Variants in LRP5 observed in about 807,000 individuals in gnomAD.
LRP5 encodes the protein low-density lipoprotein receptor-related protein 5.
In LRP5, 62 loss-of-function variants were observed where a neutral mutation model predicts 154.1. The ratio of observed to expected loss-of-function variants is 0.40; its 90% CI spans 0.33 to 0.50. The LOEUF is 0.50. Among genes scored for constraint, LRP5 ranks in the 20% least tolerant of loss-of-function variants. LRP5 has a pLI of 0.55. For missense variants in LRP5, 1,915 were observed against 2,336.7 expected (o/e 0.82, Z 3.72); for synonymous variants, 966 against 1,011.5 (o/e 0.96, Z 0.85).
At position 68,389,959 on chromosome 11, in the gene LRP5, G is replaced by A. The variant is rs2098645410; in HGVS notation, c.1491G>A (p.Leu497=). 6.2e-7 allele frequency: 1 copy of A among 1,614,228 alleles called. No individual in the cohort carries two copies. The highest frequency in any genetic ancestry group is 8.5e-7 in the Non-Finnish European group (1 of 1,180,030). ...ANLDGQERRV[L]VNASLGWPNG... is the part of the protein sequence containing the mutation. ...TGGATGGGCAGGAGCGGCGTGTGCT[G>A]GTCAATGCCTCCCTCGGGTGGCCCA... Residue 497 remains leucine (L), a synonymous_variant, in exon 7 of 23, where the codon CTG becomes CTA. Coordinates refer to ENST00000294304, the MANE Select transcript of LRP5 (RefSeq NM_002335.4).
chr11:68,389,824 G>A, intron 6 of LRP5, 57 bp from the exon 7 acceptor site: 5 of 1,595,846 alleles, frequency 3.1e-6, no homozygotes, highest in Non-Finnish European at 2.6e-6. Flanking sequence ...TTGGCACTGG[G>A]GATGCTGCAG....
intron 1 of LRP5, among the ~76,000 whole-genome samples, chr11:68,345,009 C>T (rs150683856): frequency 3.9e-4 from 59 of 151,696 alleles, no homozygotes; most frequent in African/African-American, 1.3e-3. Context: ...ACTACAGGCG[C>T]GTGCCACCAT....
At chr11:68,317,692 G>A (rs1483948562) in intron 1 of LRP5, among the ~76,000 whole-genome samples, 2 of 152,268 alleles carry the variant, frequency 1.3e-5, no homozygotes, top group Non-Finnish European at 2.9e-5. Context: ...CTGTGCTCCA[G>A]GTCCAGCCTC....
chr11:68,404,289 A>G, intron 8 of LRP5: 2 of 530,290 alleles, frequency 3.8e-6, no homozygotes, highest in Non-Finnish European at 7.3e-6. Context: ...GCTCGCGGGC[A>G]GGGACTCTGT....
At chr11:68,368,494 G>A (rs1353862355) in intron 5 of LRP5, among the ~76,000 whole-genome samples, 2 of 152,240 alleles carry the variant, frequency 1.3e-5, no homozygotes, top group Non-Finnish European at 2.9e-5. Flanking sequence ...GTCATATGAG[G>A]TGAGCTCTGT....
intron 1 of LRP5, among the ~76,000 whole-genome samples, chr11:68,334,844 T>C (rs1010403408): frequency 1.6e-4 from 24 of 152,208 alleles, no homozygotes; most frequent in African/African-American, 5.3e-4. Flanking sequence ...CCAGCCTGGG[T>C]GACAGAGTGA....
intron 10 of LRP5, among the ~76,000 whole-genome samples, chr11:68,410,567 T>C (rs755595570): frequency 2.0e-5 from 3 of 152,150 alleles, no homozygotes; most frequent in Non-Finnish European, 2.9e-5. Flanking sequence ...GCCAAAACCA[T>C]GATCCAGAAC....
intron 18 of LRP5, among the ~76,000 whole-genome samples, chr11:68,435,473 A>G (rs555112273): frequency 4.5e-5 from 6 of 132,062 alleles, no homozygotes; most frequent in African/African-American, 1.9e-4. Context: ...ATGGTGAGAG[A>G]GGGAGCAACG....
rs1460975821 is a variant in LRP5 at position 68,413,620 on chromosome 11, G to T, written c.2504-69G>T. The T allele has an allele frequency of 7.0e-7, 1 of 1,435,322 alleles. No homozygotes were observed. 88.9% of individuals were successfully genotyped at this position (1,435,322 alleles called of 1,614,324 possible). A position where few individuals can be genotyped will look rare whatever the true frequency, so the allele number is the denominator to read the frequency against. ...GCAGGGTTGAACCCTGGCTCACCCCGCAGGGCGCCGTGTGCTCTGTGGCCT... is the reference window on the plus strand; with the variant it reads ...GCAGGGTTGAACCCTGGCTCACCCCTCAGGGCGCCGTGTGCTCTGTGGCCT... On this transcript the variant is annotated intron_variant, in intron 11 of 22. Transcript: ENST00000294304. The surrounding 1 kb of genome is among the most constrained non-coding windows in gnomAD (Gnocchi z 5.1).
At chr11:68,439,978 G>C (rs1357225238) in intron 21 of LRP5, 62 bp downstream of exon 21, 1 of 1,434,808 alleles carries the variant, frequency 7.0e-7, no homozygotes, top group Non-Finnish European at 9.2e-7. Context: ...CCCACCGTCA[G>C]TGCTGGCCAC....
intron 1 of LRP5, among the ~76,000 whole-genome samples, chr11:68,343,127 G>A (rs566955546): frequency 6.6e-6 from 1 of 152,250 alleles, no homozygotes; most frequent in Admixed American, 6.5e-5. Flanking sequence ...GCCAGCGTCT[G>A]CCTGGTGAGG....
At chr11:68,399,806 T>G (rs926138156) in intron 7 of LRP5, among the ~76,000 whole-genome samples, 1 of 152,350 alleles carries the variant, frequency 6.6e-6, no homozygotes, top group Admixed American at 6.5e-5. Flanking sequence ...CTTTTGCCGA[T>G]GGGTTGGGCC....
At chr11:68,361,460 C>T (rs769956363) in intron 3 of LRP5, among the ~76,000 whole-genome samples, 35 of 151,662 alleles carry the variant, frequency 2.3e-4, no homozygotes, top group Non-Finnish European at 2.6e-4. Flanking sequence ...CACGGTGAAA[C>T]CCCATCTCTA....
At position 68,413,606 on chromosome 11, in the gene LRP5, C is replaced by T; in HGVS notation, c.2504-83C>T. On this transcript the variant is annotated intron_variant, in intron 11 of 22. Coordinates refer to ENST00000294304, the MANE Select transcript of LRP5 (RefSeq NM_002335.4). This position sits in a 1 kb window ranked among gnomAD's most constrained non-coding sequence, Gnocchi z 5.1. ...GTGGTCGCTAGGCTGCAGGGTTGAACCCTGGCTCACCCCGCAGGGCGCCGT... is the reference window on the plus strand; with the variant it reads ...GTGGTCGCTAGGCTGCAGGGTTGAATCCTGGCTCACCCCGCAGGGCGCCGT... 1 of 1,286,840 alleles carries T rather than the reference C, an allele frequency of 7.8e-7. No individual in the cohort carries two copies. Among genetic ancestry groups the T allele is most frequent in the Non-Finnish European group, 1.1e-6 (1 of 887,962 alleles). The allele number at this position is 1,286,840 out of a possible 1,614,324, so 79.7% of individuals were successfully genotyped here. A position where few individuals can be genotyped will look rare whatever the true frequency, so the allele number is the denominator to read the frequency against.
intron 1 of LRP5, among the ~76,000 whole-genome samples, chr11:68,320,195 A>G (rs559049194): frequency 3.7e-4 from 56 of 152,284 alleles, no homozygotes; most frequent in African/African-American, 7.2e-4. Context: ...ACATACATAC[A>G]TAACTCCTAA....
rs149851517 is a variant in LRP5 at position 68,378,422 on chromosome 11, C to T, written c.1016-7894C>T. Among the ~76,000 whole-genome samples the T allele has an allele frequency of 2.8e-4, 42 of 152,108 alleles. No homozygotes were observed. In the East Asian group the frequency reaches 7.9e-3, roughly 29 times the overall value. On this transcript the variant is annotated intron_variant, in intron 5 of 22. Coordinates refer to ENST00000294304, the MANE Select transcript of LRP5 (RefSeq NM_002335.4). The stretch of plus-strand genomic sequence containing the variant: ...CTCAGACCCTGGACACCGAATGAGC[C>T]GTCGGTACCCACACCCCAGGGCAAT...
At chr11:68,398,283 C>T (rs2098650661) in intron 7 of LRP5, among the ~76,000 whole-genome samples, 1 of 152,142 alleles carries the variant, frequency 6.6e-6, no homozygotes, top group Admixed American at 6.5e-5. Flanking sequence ...CAGCCCTGCC[C>T]CTCAGAGCAC....
rs558072305 is a variant in LRP5, at chr11:68,441,230, C to T, written c.4488+1314C>T. Among the ~76,000 whole-genome samples, 6 of 152,200 alleles carry T rather than the reference C, an allele frequency of 3.9e-5. No individual in the cohort carries two copies. In the South Asian group the frequency reaches 1.2e-3, roughly 32 times the overall value. ...GTAGCTAGGACTGCACGCATGCATC[C>T]CCATGCCCAGCTAATATTTACATTT... is the stretch of plus-strand genomic sequence containing the variant. On this transcript the variant is annotated intron_variant, in intron 21 of 22. Transcript: ENST00000294304.
At chr11:68,363,681 G>A in intron 3 of LRP5, 66 bp from the exon 4 acceptor site, 1 of 1,299,860 alleles carries the variant, frequency 7.7e-7, no homozygotes, top group Admixed American at 1.8e-5. Flanking sequence ...AAATTAATTG[G>A]GTCAGCAGCA....
Sources: gnomAD v4.1 joint callset for allele counts (sites outside exome capture counted in the v4.1 genomes callset) on GRCh38, gnomAD v4.1.1 for gene constraint, Gnocchi (gnomAD v3.1) non-coding constraint, MANE v1.5 for transcripts, NCBI Gene and HGNC (gene_info 2026-07-23, HGNC 2026-07-21) for gene names.